The following MTHFD1L variants were observed in gnomAD, a reference collection of about 807,000 sequenced individuals.
The protein encoded by MTHFD1L is monofunctional C1-tetrahydrofolate synthase, mitochondrial.
A neutral mutation model predicts 119.5 loss-of-function variants in MTHFD1L; 81 were observed. The observed-to-expected ratio is 0.68, with a 90% CI of 0.57 to 0.82. MTHFD1L has a LOEUF of 0.82. MTHFD1L is among the 40% of genes least tolerant of loss of function. The probability of loss-of-function intolerance (pLI) is 0.00; values close to 1 mark genes in which losing one functional copy is unlikely to be tolerated. For missense variants in MTHFD1L, 1,125 were observed against 1,253.4 expected (o/e 0.90, Z 1.55); for synonymous variants, 430 against 475.2 (o/e 0.90, Z 1.24).
At chr6:150,980,522 ACT>A (rs1203215537) in intron 20 of MTHFD1L, among the ~76,000 whole-genome samples, 1 of 151,766 alleles carries the variant, frequency 6.6e-6, no homozygotes, top group Non-Finnish European at 1.5e-5. Context: ...TGTTCCCACC[ACT>A]CTGTTTCATC....
At chr6:151,005,361 C>A (rs568965164) in intron 20 of MTHFD1L, among the ~76,000 whole-genome samples, 1 of 152,212 alleles carries the variant, frequency 6.6e-6, no homozygotes, top group East Asian at 1.9e-4. Context: ...TCCTTGGCAG[C>A]CTGATATTTG....
chr6:151,090,680 G>A (rs1794296185), intron 26 of MTHFD1L, among the ~76,000 whole-genome samples: 1 of 152,250 alleles, frequency 6.6e-6, no homozygotes, highest in Non-Finnish European at 1.5e-5. Context: ...GGAAGAAGCA[G>A]GCAAACCCTG....
intron 4 of MTHFD1L, among the ~76,000 whole-genome samples, chr6:150,878,523 A>T (rs1255591231): frequency 1.3e-5 from 2 of 152,174 alleles, no homozygotes; most frequent in Non-Finnish European, 2.9e-5. Context: ...AAGTGCTGGG[A>T]TTACAAGTGT....
intron 26 of MTHFD1L, among the ~76,000 whole-genome samples, chr6:151,081,856 C>T (rs1196034726): frequency 1.3e-5 from 2 of 152,174 alleles, no homozygotes; most frequent in Non-Finnish European, 2.9e-5. Context: ...TAACAAGCTG[C>T]TTGAAGAGAA....
Position 151,099,769 on chromosome 6 carries a change from G to A in MTHFD1L, c.*32-1757G>A, listed in dbSNP as rs139319991. On this transcript the variant is annotated intron_variant, in intron 27 of 27. Coordinates refer to ENST00000367321, the MANE Select transcript of MTHFD1L (RefSeq NM_015440.5). ...CTTCCGGAAGTTCCTGGTCCACAAC[G>A]TCAAGGAGCTGGAAGTGCTGCTGAT... 2.2e-4 allele frequency: 361 copies of A among 1,608,874 alleles called. 2 individuals carry two copies. The East Asian group carries it at 5.0e-3, about 22-fold the overall frequency.
chr6:151,095,793 G>T (rs188480035), intron 27 of MTHFD1L, among the ~76,000 whole-genome samples: 3 of 152,366 alleles, frequency 2.0e-5, no homozygotes, highest in Admixed American at 6.5e-5. Context: ...CTGAGGGGTG[G>T]CCCTGGTCTG....
intron 11 of MTHFD1L, among the ~76,000 whole-genome samples, chr6:150,930,604 C>A (rs1447309639): frequency 1.3e-5 from 2 of 151,912 alleles, no homozygotes; most frequent in Non-Finnish European, 2.9e-5. Context: ...CTATAAATAT[C>A]ATTTTTGTCC....
chr6:150,868,527 C>T (rs1385337316), intron 1 of MTHFD1L, among the ~76,000 whole-genome samples: 1 of 151,120 alleles, frequency 6.6e-6, no homozygotes, highest in Non-Finnish European at 1.5e-5. Flanking sequence ...TTAGTAGAGA[C>T]GGGGTTTCAC....
At chr6:150,965,143 C>CAGTGTGCTTTGCAATCTCAGGCAG (rs1797005296) in intron 19 of MTHFD1L, 106 bp downstream of exon 19, 5 of 949,240 alleles carry the variant, frequency 5.3e-6, no homozygotes, top group Non-Finnish European at 8.4e-6. Context: ...CCTGGGGCAG[C>CAGTGTGCTTTGCAATCTCAGGCAG]AGTGTGCTTT....
intron 26 of MTHFD1L, among the ~76,000 whole-genome samples, chr6:151,055,455 A>G (rs913493454): frequency 4.6e-5 from 7 of 152,192 alleles, no homozygotes; most frequent in Admixed American, 1.3e-4. Context: ...CCCTCCTAGT[A>G]AAGATAGAAA....
intron 20 of MTHFD1L, among the ~76,000 whole-genome samples, chr6:150,981,968 T>C (rs1262233551): frequency 6.6e-6 from 1 of 152,050 alleles, no homozygotes; most frequent in Non-Finnish European, 1.5e-5. Flanking sequence ...ATGCCTGTAG[T>C]TCCAGCTACT....
intron 17 of MTHFD1L, among the ~76,000 whole-genome samples, chr6:150,957,376 T>A (rs1795799013): frequency 6.6e-6 from 1 of 152,188 alleles, no homozygotes; most frequent in Non-Finnish European, 1.5e-5. Flanking sequence ...AGGTACTAAA[T>A]GCTAGTGAGG....
intron 26 of MTHFD1L, among the ~76,000 whole-genome samples, chr6:151,059,329 G>A (rs905455106): frequency 8.6e-5 from 13 of 151,932 alleles, no homozygotes; most frequent in Non-Finnish European, 1.6e-4. Flanking sequence ...TCCTGCCTGC[G>A]CCACCACGCA....
intron 19 of MTHFD1L, among the ~76,000 whole-genome samples, chr6:150,967,635 G>A (rs1359063941): frequency 2.6e-5 from 4 of 152,112 alleles, no homozygotes; most frequent in Non-Finnish European, 4.4e-5. Flanking sequence ...GCAGAAACCC[G>A]AGGATGATCC....
intron 7 of MTHFD1L, among the ~76,000 whole-genome samples, chr6:150,900,054 A>G (rs1398176721): frequency 1.3e-5 from 2 of 150,504 alleles, no homozygotes; most frequent in African/African-American, 4.9e-5. Flanking sequence ...TGAATAAACA[A>G]GGCATCTGCT....
At chr6:151,067,077 T>C (rs1215777487) in intron 26 of MTHFD1L, among the ~76,000 whole-genome samples, 2 of 150,092 alleles carry the variant, frequency 1.3e-5, no homozygotes, top group African/African-American at 4.9e-5. Context: ...CACTGCAACC[T>C]CTGCCTCCTG....
intron 20 of MTHFD1L, among the ~76,000 whole-genome samples, chr6:150,978,440 G>T (rs193296530): frequency 1.0e-3 from 153 of 152,260 alleles, no homozygotes; most frequent in African/African-American, 3.5e-3. Flanking sequence ...CACAGACCTG[G>T]CTGTGTTCCC....
intron 20 of MTHFD1L, among the ~76,000 whole-genome samples, chr6:151,000,606 A>G (rs1227191131): frequency 5.3e-5 from 8 of 152,348 alleles, no homozygotes; most frequent in African/African-American, 1.4e-4. Flanking sequence ...TGCAGTAATA[A>G]TGCCGAATTT....
intron 21 of MTHFD1L, among the ~76,000 whole-genome samples, chr6:151,012,648 C>T (rs2128486387): frequency 6.6e-6 from 1 of 152,272 alleles, no homozygotes; most frequent in African/African-American, 2.4e-5. Context: ...CAGATTCTTT[C>T]ACAATTAGAT....
Sources: allele counts gnomAD v4.1 joint callset (sites outside exome capture counted in the v4.1 genomes callset), GRCh38; gene constraint gnomAD v4.1.1; transcripts MANE v1.5; gene names NCBI Gene and HGNC (gene_info 2026-07-23, HGNC 2026-07-21).